LRRC9: variants seen among roughly 807,000 people sequenced by gnomAD.
The protein encoded by LRRC9 is leucine-rich repeat-containing protein 9.
Under a neutral mutation model 63.2 loss-of-function variants are expected in LRRC9, and 122 were observed. The ratio of observed to expected loss-of-function variants is 1.93; its 90% CI spans 1.67 to 2.24. LRRC9 has a LOEUF of 2.24. Ranked by LOEUF, LRRC9 falls within the 30% of genes most tolerant of loss-of-function variation. The pLI is 0.00. For missense variants in LRRC9, 1,071 were observed against 627.7 expected, an observed-to-expected ratio of 1.71 and a Z score of -7.55; for synonymous variants, 366 against 213.1, an observed-to-expected ratio of 1.72 and a Z score of -6.25.
At chr14:60,021,798 A>G (rs1891135405) in intron 26 of LRRC9, among the ~76,000 whole-genome samples, 1 of 151,880 alleles carries the variant, frequency 6.6e-6, no homozygotes, top group African/African-American at 2.4e-5. Context: ...TTAAGCATAA[A>G]TGTAAGAGTT....
intron 17 of LRRC9, among the ~76,000 whole-genome samples, chr14:59,992,054 G>A (rs534052575): frequency 6.6e-6 from 1 of 152,142 alleles, no homozygotes; most frequent in Non-Finnish European, 1.5e-5. Flanking sequence ...TAACTGGGAG[G>A]CACCCCCCAG....
At chr14:59,992,594 C>T (rs2140157128) in intron 17 of LRRC9, among the ~76,000 whole-genome samples, 1 of 152,172 alleles carries the variant, frequency 6.6e-6, no homozygotes, top group South Asian at 2.1e-4. Flanking sequence ...CTAGAATAAC[C>T]AATGCAGAGA....
At chr14:60,006,512 C>T in exon 22 of LRRC9, 1 of 701,930 alleles carries the variant, frequency 1.4e-6, no homozygotes, top group Non-Finnish European at 2.6e-6. Context: ...CTCTTGAGAA[C>T]AACAGAATCA....
chr14:60,045,264 A>C (rs1893319090), intron 29 of LRRC9, among the ~76,000 whole-genome samples: 1 of 152,118 alleles, frequency 6.6e-6, no homozygotes. Flanking sequence ...TTTTTAAAAA[A>C]AAATTTCAAC....
At chr14:60,026,179 ATG>A (rs1891536319) in intron 27 of LRRC9, among the ~76,000 whole-genome samples, 3 of 152,114 alleles carry the variant, frequency 2.0e-5, no homozygotes, top group African/African-American at 7.2e-5. Flanking sequence ...TCAAAAATGT[ATG>A]TGCTTACTTA....
intron 14 of LRRC9, among the ~76,000 whole-genome samples, chr14:59,977,564 G>A (rs1266561561): frequency 7.3e-6 from 1 of 137,026 alleles, no homozygotes; most frequent in Non-Finnish European, 1.6e-5. Flanking sequence ...ATGTAATTAT[G>A]TATTTGTGTG....
chr14:59,993,659 A>G (rs543967218), intron 17 of LRRC9, among the ~76,000 whole-genome samples: 45 of 152,340 alleles, frequency 3.0e-4, no homozygotes, highest in African/African-American at 1.1e-3. Context: ...CAGGGGTTGC[A>G]ATCCTAGTCT....
chr14:60,002,231 T>C, intron 20 of LRRC9, 131 bp downstream of exon 20: 1 of 492,952 alleles, frequency 2.0e-6, no homozygotes, highest in Non-Finnish European at 3.6e-6. Context: ...TTAATTAAAA[T>C]AGGGAAGAAA....
At chr14:59,963,927 C>T (rs1269767584) in intron 10 of LRRC9, among the ~76,000 whole-genome samples, 4 of 152,098 alleles carry the variant, frequency 2.6e-5, no homozygotes, top group African/African-American at 9.7e-5. Flanking sequence ...ACGTGTGTAG[C>T]CTACATTTGC....
chr14:59,967,484 A>T (rs2140003813), intron 12 of LRRC9, among the ~76,000 whole-genome samples: 1 of 152,288 alleles, frequency 6.6e-6, no homozygotes, highest in Admixed American at 6.5e-5. Flanking sequence ...TGGTTTTGAA[A>T]TCTGCTTTTT....
intron 27 of LRRC9, among the ~76,000 whole-genome samples, chr14:60,024,603 G>A (rs892589530): frequency 6.6e-6 from 1 of 152,022 alleles, no homozygotes; most frequent in Non-Finnish European, 1.5e-5. Context: ...AAAAGCACTT[G>A]TGATTTGGAT....
intron 29 of LRRC9, among the ~76,000 whole-genome samples, chr14:60,049,181 T>G (rs1483073627): frequency 6.6e-6 from 1 of 152,174 alleles, no homozygotes; most frequent in Non-Finnish European, 1.5e-5. Flanking sequence ...AATATCATAC[T>G]GATATTGGGG....
Position 59,986,396 on chromosome 14 carries a change from A to G in LRRC9, c.2211+1172A>G, listed in dbSNP as rs1887475557. Among the ~76,000 whole-genome samples, 1 of 152,002 alleles carries G rather than the reference A, an allele frequency of 6.6e-6. No homozygotes were observed. The highest frequency in any genetic ancestry group is 2.1e-4 in the South Asian group (1 of 4,818). ...TCAAAGCCTTTACATTATTTCTTCT[A>G]CCATTGTAATGGGAGCTGTTTCTTT... On this transcript the variant is annotated intron_variant, in intron 17 of 31. Coordinates refer to ENST00000445360, the Ensembl canonical transcript of LRRC9. The surrounding 1 kb of genome is among the most constrained non-coding windows in gnomAD (Gnocchi z 4.7).
intron 8 of LRRC9, among the ~76,000 whole-genome samples, chr14:59,951,817 T>C (rs568679228): frequency 4.6e-5 from 7 of 152,150 alleles, no homozygotes; most frequent in Admixed American, 3.9e-4. Flanking sequence ...TGCTCGGGGG[T>C]CAGGGGTCAG....
chr14:59,931,034 C>T (rs1889659296), exon 4 of LRRC9: 2 of 400,278 alleles, frequency 5.0e-6, no homozygotes, highest in Admixed American at 8.2e-5. Context: ...TTTGGCTGAA[C>T]CACAATACAA....
At chr14:60,036,625 C>A (rs914856348) in intron 29 of LRRC9, among the ~76,000 whole-genome samples, 2 of 152,174 alleles carry the variant, frequency 1.3e-5, no homozygotes, top group Non-Finnish European at 2.9e-5. Flanking sequence ...ATGTTGCATT[C>A]TCCATGTATC....
Position 59,959,808 on chromosome 14 carries a change from TTTTCCACAG to T in LRRC9, c.883-7_884del. The T allele has an allele frequency of 1.7e-6, 1 of 591,408 alleles. No individual in the cohort carries two copies. Among genetic ancestry groups the T allele is most frequent in the Non-Finnish European group, 3.0e-6 (1 of 330,232 alleles). The allele number at this position is 591,408 out of a possible 1,614,324, so 36.6% of individuals were successfully genotyped here. On this transcript the variant is annotated splice_acceptor_variant and splice_polypyrimidine_tract_variant and intron_variant, in intron 8 of 31. Transcript: ENST00000445360. LOFTEE classifies it high-confidence loss of function. Reference sequence around the variant, plus strand: ...TTTTATTTTGCTCTCTGACACATTGTTTTCCACAGTTGGAACGAGAACTGGCTGAACTCA... The same window carrying T: ...TTTTATTTTGCTCTCTGACACATTGTTTGGAACGAGAACTGGCTGAACTCA...
chr14:60,041,621 TTATTC>T (rs1892951213), intron 29 of LRRC9, among the ~76,000 whole-genome samples: 1 of 152,200 alleles, frequency 6.6e-6, no homozygotes, highest in South Asian at 2.1e-4. Flanking sequence ...CTCTATACTT[TTATTC>T]TAGTTAGCCA....
Position 59,997,197 on chromosome 14 carries a change from T to C in LRRC9, c.2212-459T>C, listed in dbSNP as rs200323168. 9.2e-5 allele frequency among the ~76,000 whole-genome samples: 14 copies of C among 152,184 alleles called. No individual in the cohort carries two copies. The East Asian group carries it at 2.5e-3, about 27-fold the overall frequency. On this transcript the variant is annotated intron_variant, in intron 17 of 31. Transcript: ENST00000445360. ...AGGAACATGTGTTACTTTTATGATTTAAGAAAATTATTATTTAAAAGTATG... is the reference window on the plus strand; with the variant it reads ...AGGAACATGTGTTACTTTTATGATTCAAGAAAATTATTATTTAAAAGTATG...
Sources: gnomAD v4.1 joint callset for allele counts (sites outside exome capture counted in the v4.1 genomes callset) on GRCh38, gnomAD v4.1.1 for gene constraint, Gnocchi (gnomAD v3.1) non-coding constraint, MANE v1.5 for transcripts, NCBI Gene and HGNC (gene_info 2026-07-23, HGNC 2026-07-21) for gene names.